The following PPM1L variants were observed in gnomAD, a reference collection of about 807,000 sequenced individuals.
PPM1L encodes the protein protein phosphatase 1L.
Under a neutral mutation model 31.4 loss-of-function variants are expected in PPM1L, and 13 were observed. The ratio of observed to expected loss-of-function variants is 0.41; its 90% CI spans 0.27 to 0.66. The LOEUF (loss-of-function observed/expected upper bound fraction) is 0.66, where lower values mean the gene tolerates loss of function less well. Ranked by LOEUF, PPM1L falls within the 30% of genes least tolerant of loss-of-function variation. The pLI, the probability that PPM1L is intolerant of heterozygous loss-of-function variation, is 0.29. For synonymous variants in PPM1L, 184 were observed against 175.4 expected, an observed-to-expected ratio of 1.05 and a Z score of -0.39; for missense variants, 326 against 453.7, an observed-to-expected ratio of 0.72 and a Z score of 2.56.
At chr3:161,019,956 C>T (rs1413627330) in intron 2 of PPM1L, among the ~76,000 whole-genome samples, 1 of 152,042 alleles carries the variant, frequency 6.6e-6, no homozygotes. Flanking sequence ...AAAACCCCCT[C>T]TCTACTAAAA....
chr3:160,889,421 A>T (rs1382553051), intron 1 of PPM1L, among the ~76,000 whole-genome samples: 3 of 152,218 alleles, frequency 2.0e-5, no homozygotes, highest in Admixed American at 1.3e-4. Context: ...AAATACTTGG[A>T]CATATACACC....
intron 2 of PPM1L, among the ~76,000 whole-genome samples, chr3:161,039,057 G>C (rs1009836243): frequency 6.6e-6 from 1 of 152,132 alleles, no homozygotes; most frequent in African/African-American, 2.4e-5. Flanking sequence ...ACCCTATATG[G>C]TTAGAAAGGG....
chr3:160,816,110 G>T (rs1486709823), intron 1 of PPM1L, among the ~76,000 whole-genome samples: 14 of 152,104 alleles, frequency 9.2e-5, no homozygotes, highest in Non-Finnish European at 2.9e-5. Context: ...ATTGAGAGAA[G>T]AGACAAAGGA....
chr3:160,759,085 T>G (rs1343375416), intron 1 of PPM1L, among the ~76,000 whole-genome samples: 1 of 152,186 alleles, frequency 6.6e-6, no homozygotes, highest in African/African-American at 2.4e-5. Context: ...TCATTCAAAA[T>G]CCTACCATCT....
At chr3:160,788,926 C>T (rs1712017871) in intron 1 of PPM1L, among the ~76,000 whole-genome samples, 1 of 151,884 alleles carries the variant, frequency 6.6e-6, no homozygotes, top group East Asian at 1.9e-4. Flanking sequence ...TATAACTTTA[C>T]AATATTTTAA....
intron 1 of PPM1L, among the ~76,000 whole-genome samples, chr3:160,786,779 T>C (rs983229453): frequency 2.0e-5 from 3 of 152,098 alleles, no homozygotes; most frequent in Non-Finnish European, 4.4e-5. Flanking sequence ...CCCTGGTGTC[T>C]ATCGTTATCT....
At chr3:160,875,225 CTTAT>C (rs1173072379) in intron 1 of PPM1L, among the ~76,000 whole-genome samples, 3 of 152,068 alleles carry the variant, frequency 2.0e-5, no homozygotes, top group Non-Finnish European at 4.4e-5. Flanking sequence ...ATGGAATGTA[CTTAT>C]TTATTTAGTT....
At chr3:161,016,240 A>T (rs936834845) in intron 2 of PPM1L, among the ~76,000 whole-genome samples, 1 of 152,192 alleles carries the variant, frequency 6.6e-6, no homozygotes, top group Admixed American at 6.5e-5. Flanking sequence ...ATTGTTTCAG[A>T]TAGTTAAATG....
intron 1 of PPM1L, among the ~76,000 whole-genome samples, chr3:160,862,915 GT>G (rs1711955031): frequency 6.6e-6 from 1 of 152,056 alleles, no homozygotes; most frequent in Non-Finnish European, 1.5e-5. Context: ...TAAATTATAG[GT>G]TTGCTTAGGA....
intron 1 of PPM1L, among the ~76,000 whole-genome samples, chr3:160,900,143 A>G (rs1246391536): frequency 1.3e-5 from 2 of 152,124 alleles, no homozygotes; most frequent in African/African-American, 4.8e-5. Context: ...TGTTATGAAT[A>G]TTGTTAGAGC....
chr3:161,004,159 T>A (rs1717615228), intron 2 of PPM1L, among the ~76,000 whole-genome samples: 1 of 146,744 alleles, frequency 6.8e-6, no homozygotes, highest in African/African-American at 2.5e-5. Context: ...TTTGCGTATA[T>A]TGAACCAGCC....
chr3:161,014,666 G>T lies in PPM1L; in HGVS notation c.575-50737G>T, dbSNP rs187846507. Among the ~76,000 whole-genome samples the T allele has an allele frequency of 2.6e-5, 4 of 151,986 alleles. No individual in the cohort carries two copies. The South Asian group carries it at 6.2e-4, about 24-fold the overall frequency. On this transcript the variant is annotated intron_variant, in intron 2 of 3. Transcript: ENST00000498165. Reference sequence around the variant, plus strand: ...ACTTTTATATTTTTAGTAGAGATGGGGTTTCACCTTGGTCAGCCTTGTCTC... The same window carrying T: ...ACTTTTATATTTTTAGTAGAGATGGTGTTTCACCTTGGTCAGCCTTGTCTC...
intron 1 of PPM1L, among the ~76,000 whole-genome samples, chr3:160,815,481 G>A (rs963165531): frequency 2.0e-5 from 3 of 152,082 alleles, no homozygotes; most frequent in African/African-American, 7.2e-5. Flanking sequence ...AGGGGAGGGG[G>A]AGGGTGGTGG....
At chr3:160,843,901 A>G (rs1713989739) in intron 1 of PPM1L, among the ~76,000 whole-genome samples, 1 of 152,168 alleles carries the variant, frequency 6.6e-6, no homozygotes, top group Non-Finnish European at 1.5e-5. Flanking sequence ...ACAATGATAG[A>G]CTGGATTAAG....
intron 2 of PPM1L, among the ~76,000 whole-genome samples, chr3:160,983,184 C>G (rs1716858379): frequency 6.6e-6 from 1 of 152,112 alleles, no homozygotes; most frequent in African/African-American, 2.4e-5. Context: ...TAAAATCACA[C>G]CTGAAAGTGT....
intron 2 of PPM1L, among the ~76,000 whole-genome samples, chr3:161,025,298 T>C (rs1718346552): frequency 6.6e-6 from 1 of 152,076 alleles, no homozygotes; most frequent in Admixed American, 6.6e-5. Flanking sequence ...GTACAGTGGC[T>C]TGCGCTTATA....
intron 2 of PPM1L, among the ~76,000 whole-genome samples, chr3:160,999,993 T>A (rs568958867): frequency 3.3e-5 from 5 of 152,318 alleles, no homozygotes; most frequent in Admixed American, 1.3e-4. Flanking sequence ...CTCCCAAGAC[T>A]CTGAGATACT....
At position 160,808,709 on chromosome 3, in the gene PPM1L, T is replaced by G. The variant is rs566197615; in HGVS notation, c.399+52002T>G. Among the ~76,000 whole-genome samples the G allele has an allele frequency of 2.6e-5, 4 of 152,270 alleles. No individual in the cohort carries two copies. In the East Asian group the frequency reaches 7.7e-4, roughly 29 times the overall value. ...CATGTAATTATGTGCCTCGAGACAG[T>G]GGCTTCCCTCACAGAGCAGAGAAGG... On this transcript the variant is annotated intron_variant, in intron 1 of 3. Transcript: ENST00000498165.
intron 2 of PPM1L, among the ~76,000 whole-genome samples, chr3:161,002,957 T>C (rs1717554381): frequency 2.7e-5 from 4 of 150,222 alleles, no homozygotes; most frequent in Non-Finnish European, 6.0e-5. Flanking sequence ...TCTTCTAGGG[T>C]TTTTATGGTT....
Sources: allele counts gnomAD v4.1 joint callset (sites outside exome capture counted in the v4.1 genomes callset), GRCh38; gene constraint gnomAD v4.1.1; transcripts MANE v1.5; gene names NCBI Gene and HGNC (gene_info 2026-07-23, HGNC 2026-07-21).